ZNF516: variants seen among roughly 807,000 people sequenced by gnomAD.
ZNF516 encodes zinc finger protein 516.
In ZNF516, 19 loss-of-function variants were observed where a neutral mutation model predicts 79.7. The observed-to-expected ratio is 0.24, with a 90% confidence interval of 0.17 to 0.35. The LOEUF is 0.35. Ranked by LOEUF, ZNF516 falls within the 10% of genes least tolerant of loss-of-function variation. The pLI, the probability that ZNF516 is intolerant of heterozygous loss-of-function variation, is 1.00. For synonymous variants in ZNF516, 877 were observed against 739.5 expected, an observed-to-expected ratio of 1.19 and a Z score of -3.02; for missense variants, 1,678 against 1,679.5, an observed-to-expected ratio of 1.00 and a Z score of 0.02.
chr18:76,484,272 G>A (rs1253163940), intron 1 of ZNF516, among the ~76,000 whole-genome samples: 6 of 152,214 alleles, frequency 3.9e-5, no homozygotes, highest in African/African-American at 7.2e-5. Flanking sequence ...TTCAGTACCT[G>A]TAAAATGTCA....
chr18:76,368,570 C>T (rs913388519), intron 6 of ZNF516, among the ~76,000 whole-genome samples: 1 of 151,936 alleles, frequency 6.6e-6, no homozygotes, highest in African/African-American at 2.4e-5. Context: ...CAGGCTAAGT[C>T]TGAAAGCCAC....
chr18:76,465,573 G>A (rs1913410925), intron 1 of ZNF516, among the ~76,000 whole-genome samples: 1 of 152,168 alleles, frequency 6.6e-6, no homozygotes, highest in Admixed American at 6.5e-5. Flanking sequence ...ACAGACAAAG[G>A]CAGGGCTGGA....
At chr18:76,422,697 G>A (rs1568278012) in intron 3 of ZNF516, among the ~76,000 whole-genome samples, 1 of 152,064 alleles carries the variant, frequency 6.6e-6, no homozygotes, top group East Asian at 1.9e-4. Context: ...GGGATGATGG[G>A]GGGCAGACAT....
upstream of ZNF516, chr18:76,496,187 G>C: frequency 1.8e-6 from 2 of 1,138,432 alleles, no homozygotes; most frequent in Non-Finnish European, 2.3e-6. Context: ...GGGCGGGTCG[G>C]AGCTAGCGAG....
intron 3 of ZNF516, among the ~76,000 whole-genome samples, chr18:76,428,088 TAAAG>T (rs2075617581): frequency 1.3e-5 from 2 of 152,254 alleles, no homozygotes; most frequent in Admixed American, 6.5e-5. Flanking sequence ...CAATTTCACT[TAAAG>T]AAATCCATCA....
Position 76,379,565 on chromosome 18 carries a change from C to G in ZNF516, c.2549G>C (p.Gly850Ala). 6.2e-7 allele frequency: 1 copy of G among 1,613,656 alleles called. No homozygotes were observed. Among genetic ancestry groups the G allele is most frequent in the Non-Finnish European group, 8.5e-7 (1 of 1,179,894 alleles). The change falls in exon 4 of 7, where the codon GGC (glycine) becomes GCC (alanine). Residue 850 changes from glycine to alanine, a missense_variant. Gly to Ala is a moderately conservative substitution (Grantham distance 60). Around this residue, in one of 5 missense-constraint regions of ZNF516, gnomAD observed 1,294 missense variants for 1,248.3 expected, o/e 1.04. Coordinates refer to ENST00000443185, the MANE Select transcript of ZNF516 (RefSeq NM_014643.4). ...TGTGACCACTCCCAGGGGAGAAGAGCCACTTTTGGACCCCGGCATCCCCCC... is the reference window on the plus strand; with the variant it reads ...TGTGACCACTCCCAGGGGAGAAGAGGCACTTTTGGACCCCGGCATCCCCCC... ...VPGGMPGSKSGSSPLGVVTKA... is the reference protein window; with the variant it reads ...VPGGMPGSKSASSPLGVVTKA...
intron 2 of ZNF516, among the ~76,000 whole-genome samples, chr18:76,456,002 G>C (rs941480801): frequency 1.3e-5 from 2 of 152,132 alleles, no homozygotes; most frequent in Non-Finnish European, 2.9e-5. Context: ...GACTGGGCTC[G>C]GCATCCTCAA....
intron 1 of ZNF516, among the ~76,000 whole-genome samples, chr18:76,484,040 GC>G (rs1158650301): frequency 6.6e-6 from 1 of 152,208 alleles, no homozygotes; most frequent in Non-Finnish European, 1.5e-5. Flanking sequence ...TCCCTACACT[GC>G]CCTAAACACC....
At chr18:76,388,680 C>G (rs1439882097) in intron 3 of ZNF516, 1 of 152,206 alleles carries the variant, frequency 6.6e-6, no homozygotes, top group African/African-American at 2.4e-5. Flanking sequence ...TGAGATGCAA[C>G]AAAGGCTTGA....
Position 76,392,666 on chromosome 18 carries a change from G to A in ZNF516, c.1811-12363C>T, listed in dbSNP as rs185734306. On this transcript the variant is annotated intron_variant, in intron 3 of 6. Coordinates refer to ENST00000443185, the MANE Select transcript of ZNF516 (RefSeq NM_014643.4). ...CAGGCGGGAAGGCAGGTGACCAGGT[G>A]GGGGAAAGGTGGATGGGAAGGCAGG... 2.1e-3 allele frequency among the ~76,000 whole-genome samples: 220 copies of A among 106,222 alleles called. 5 individuals are homozygous for A. Among genetic ancestry groups the A allele is most frequent in the Non-Finnish European group, 3.9e-3 (206 of 53,268 alleles). The allele number at this position is 106,222 out of a possible 152,430, so 69.7% of individuals were successfully genotyped here.
chr18:76,377,888 G>T (rs914766764), intron 4 of ZNF516, among the ~76,000 whole-genome samples: 2 of 151,836 alleles, frequency 1.3e-5, no homozygotes, highest in Non-Finnish European at 2.9e-5. Flanking sequence ...GCTAATTTTT[G>T]TGTTTTTAGT....
At chr18:76,470,487 A>AT (rs1210840493) in intron 1 of ZNF516, among the ~76,000 whole-genome samples, 1 of 152,214 alleles carries the variant, frequency 6.6e-6, no homozygotes, top group Non-Finnish European at 1.5e-5. Flanking sequence ...AGGAGCCCTT[A>AT]TATCAATGAG....
At chr18:76,417,023 CA>C (rs2075441138) in intron 3 of ZNF516, among the ~76,000 whole-genome samples, 5 of 152,152 alleles carry the variant, frequency 3.3e-5, no homozygotes, top group Non-Finnish European at 7.3e-5. Context: ...AATACAGGGT[CA>C]GGGCGATCTG....
In ZNF516 at chr18:76,489,586, CAAAAAAAAA is replaced by C. The variant is rs5826461; in HGVS notation, c.-272+5549_-272+5557del. Among the ~76,000 whole-genome samples, 29 of 109,374 alleles carry C rather than the reference CAAAAAAAAA, an allele frequency of 2.7e-4. No individual in the cohort carries two copies. In the East Asian group the frequency reaches 3.6e-3, roughly 13 times the overall value. The allele number at this position is 109,374 out of a possible 152,430, so 71.8% of individuals were successfully genotyped here. On this transcript the variant is annotated intron_variant, in intron 1 of 6. Transcript: ENST00000443185. ...TTTTGGTCTCTGGGACAACATCTTACAAAAAAAAAAAAAAAAAAAAAGTTAGAAATGTAG... is the reference window on the plus strand; with the variant it reads ...TTTTGGTCTCTGGGACAACATCTTACAAAAAAAAAAAAGTTAGAAATGTAG...
intron 6 of ZNF516, 149 bp from the exon 7 acceptor site, chr18:76,362,706 CT>C: frequency 4.6e-6 from 3 of 657,066 alleles, no homozygotes; most frequent in Admixed American, 2.7e-5. Context: ...CGAAGACCCC[CT>C]GACCTGAGCT....
intron 6 of ZNF516, among the ~76,000 whole-genome samples, chr18:76,370,122 C>G (rs939278909): frequency 1.3e-5 from 2 of 152,230 alleles, no homozygotes; most frequent in African/African-American, 4.8e-5. Flanking sequence ...CAAGACACCA[C>G]GCTGGACACG....
intron 3 of ZNF516, among the ~76,000 whole-genome samples, chr18:76,417,683 T>C (rs1020401968): frequency 6.6e-6 from 1 of 152,236 alleles, no homozygotes; most frequent in Non-Finnish European, 1.5e-5. Context: ...ACTTGGTAGC[T>C]TTCAATTAGA....
At position 76,402,040 on chromosome 18, in the gene ZNF516, C is replaced by T. The variant is rs529300217; in HGVS notation, c.1811-21737G>A. The stretch of plus-strand genomic sequence containing the variant: ...GTGTACACGTGCGCGCATGTGTGCA[C>T]GTGAACGTGACCAGTGGTCTCTGCA... On this transcript the variant is annotated intron_variant, in intron 3 of 6. Transcript: ENST00000443185. Among the ~76,000 whole-genome samples the T allele has an allele frequency of 1.2e-3, 184 of 152,136 alleles. 1 individual carries two copies. The highest frequency in any genetic ancestry group is 4.3e-3 in the African/African-American group (180 of 41,528).
chr18:76,495,681 C>A, upstream of ZNF516: 1 of 1,189,154 alleles, frequency 8.4e-7, no homozygotes, highest in Non-Finnish European at 1.1e-6. Context: ...CGCGCACACG[C>A]GCATCCATAC....
Sources: allele counts gnomAD v4.1 joint callset (sites outside exome capture counted in the v4.1 genomes callset), GRCh38; gene constraint gnomAD v4.1.1; regional missense constraint gnomAD v4.1.1; transcripts MANE v1.5; gene names NCBI Gene and HGNC (gene_info 2026-07-23, HGNC 2026-07-21).